Variants in AMZ1 observed in about 807,000 individuals in gnomAD.
AMZ1 encodes the protein archaemetzincin-1.
Under a neutral mutation model 29.9 loss-of-function variants are expected in AMZ1, and 39 were observed. The observed-to-expected ratio is 1.30, with a 90% confidence interval of 1.01 to 1.70. The LOEUF is 1.70. Ranked by LOEUF, AMZ1 falls within the 40% of genes most tolerant of loss-of-function variation. AMZ1 has a pLI of 0.00. For synonymous variants in AMZ1, 458 were observed against 304.0 expected, an observed-to-expected ratio of 1.51 and a Z score of -5.27; for missense variants, 1,041 against 680.6, an observed-to-expected ratio of 1.53 and a Z score of -5.89.
At chr7:2,743,164 G>A (rs1441213928) in intron 4 of AMZ1, among the ~76,000 whole-genome samples, 1 of 152,184 alleles carries the variant, frequency 6.6e-6, no homozygotes, top group Non-Finnish European at 1.5e-5. Flanking sequence ...CTAAGAGCCT[G>A]GCTGGCCCCT....
At chr7:2,762,610 C>T (rs1204616891), upstream of AMZ1, 2 of 1,536,234 alleles carry the variant, frequency 1.3e-6, no homozygotes, top group East Asian at 2.4e-5. Flanking sequence ...GGACAATCCC[C>T]TTCCGGATAA....
At position 2,709,784 on chromosome 7, in the gene AMZ1, G is replaced by T; in HGVS notation, c.916G>T (p.Val306Phe). ...CPICLRKLQH[V>F]LGFRLIERYQ... is the part of the protein sequence containing the mutation. ...CATCTGCCTGAGGAAGCTGCAGCAT[G>T]TCCTGGGTTTCAGGCTCATCGAGAG... The change falls in exon 6 of 7, where the codon GTC (valine) becomes TTC (phenylalanine). Residue 306 changes from valine (V) to phenylalanine (F), a missense_variant. Val to Phe is a conservative substitution (Grantham distance 50, BLOSUM62 -1). Coordinates refer to ENST00000683327, the MANE Select transcript of AMZ1 (RefSeq NM_001384743.1). The T allele has an allele frequency of 2.5e-6, 4 of 1,612,126 alleles. No individual in the cohort carries two copies. The highest frequency in any genetic ancestry group is 3.4e-6 in the Non-Finnish European group (4 of 1,179,854).
At chr7:2,705,676 TA>T (rs1446753564) in intron 3 of AMZ1, among the ~76,000 whole-genome samples, 2 of 152,208 alleles carry the variant, frequency 1.3e-5, no homozygotes, top group African/African-American at 2.4e-5. Flanking sequence ...TGGGGGTTGA[TA>T]GGGGTCCCCT....
upstream of AMZ1, chr7:2,762,948 C>A: frequency 1.5e-6 from 2 of 1,375,686 alleles, no homozygotes; most frequent in Non-Finnish European, 1.9e-6. Flanking sequence ...TCCCGTGGGG[C>A]CCGTGCCAGG....
At chr7:2,682,661 G>A (rs939969631) in intron 1 of AMZ1, among the ~76,000 whole-genome samples, 4 of 152,080 alleles carry the variant, frequency 2.6e-5, no homozygotes, top group African/African-American at 4.8e-5. Context: ...CCTCAGTGTC[G>A]GGCCATGGAA....
At chr7:2,737,377 C>G (rs1356701129) in intron 4 of AMZ1, among the ~76,000 whole-genome samples, 2 of 145,494 alleles carry the variant, frequency 1.4e-5, no homozygotes, top group African/African-American at 5.1e-5. Flanking sequence ...CAACCTCTGC[C>G]TCCTGGGTTC....
chr7:2,736,555 G>A (rs1488131780), intron 4 of AMZ1, among the ~76,000 whole-genome samples: 1 of 152,206 alleles, frequency 6.6e-6, no homozygotes, highest in South Asian at 2.1e-4. Context: ...TCAAGCAGCA[G>A]CAGCAGGTTG....
At position 2,712,764 on chromosome 7, in the gene AMZ1, G is replaced by T; in HGVS notation, c.1383G>T (p.Val461=). 6.3e-7 allele frequency: 1 copy of T among 1,596,704 alleles called. No individual in the cohort carries two copies. Among genetic ancestry groups the T allele is most frequent in the South Asian group, 1.1e-5 (1 of 88,656 alleles). ...RQDPPSSRDS[V]GLRKVLGDKF... ...ACCCACCCAGCAGCAGGGACAGCGT[G>T]GGGCTGCGCAAGGTGCTGGGGGACA... The change falls in exon 7 of 7, where the codon GTG becomes GTT. Residue 461 remains valine, a synonymous_variant. Coordinates refer to ENST00000683327, the MANE Select transcript of AMZ1 (RefSeq NM_001384743.1).
At chr7:2,698,144 C>T in intron 1 of AMZ1, among the ~76,000 whole-genome samples, 1 of 152,112 alleles carries the variant, frequency 6.6e-6, no homozygotes, top group East Asian at 1.9e-4. Flanking sequence ...CCCATGTTGC[C>T]ACTACTCAGG....
intron 3 of AMZ1, among the ~76,000 whole-genome samples, chr7:2,707,387 C>T (rs1045486026): frequency 1.3e-5 from 2 of 152,024 alleles, no homozygotes; most frequent in South Asian, 2.1e-4. Flanking sequence ...CTCTGTGCCG[C>T]AACCCCTCTT....
chr7:2,748,645 C>A (rs1413231117), intron 4 of AMZ1, among the ~76,000 whole-genome samples: 1 of 152,028 alleles, frequency 6.6e-6, no homozygotes, highest in Non-Finnish European at 1.5e-5. Context: ...GCAACAAAAG[C>A]CAAAATTGAC....
At chr7:2,720,603 C>T (rs905827075), downstream of AMZ1, among the ~76,000 whole-genome samples, 2 of 151,860 alleles carry the variant, frequency 1.3e-5, no homozygotes, top group Admixed American at 6.6e-5. Context: ...CGGGGTTTTA[C>T]CGTGCTGGCC....
chr7:2,707,751 G>C (rs935757157), intron 3 of AMZ1, among the ~76,000 whole-genome samples: 2 of 150,690 alleles, frequency 1.3e-5, no homozygotes, highest in African/African-American at 2.4e-5. Flanking sequence ...TCCTTCCTCC[G>C]AGCCAGCCCT....
intron 5 of AMZ1, 75 bp from the exon 6 acceptor site, chr7:2,709,565 G>A: frequency 1.3e-6 from 2 of 1,547,762 alleles, no homozygotes; most frequent in Non-Finnish European, 1.7e-6. Context: ...TTTTGGTCCT[G>A]CTGGGGCTGC....
intron 4 of AMZ1, among the ~76,000 whole-genome samples, chr7:2,736,312 C>T (rs1008021215): frequency 3.3e-5 from 5 of 152,072 alleles, no homozygotes; most frequent in African/African-American, 7.2e-5. Flanking sequence ...AGTGGGCTCT[C>T]GGGACTCTCC....
intron 4 of AMZ1, among the ~76,000 whole-genome samples, chr7:2,747,334 G>A (rs1354140363): frequency 1.3e-5 from 2 of 152,088 alleles, no homozygotes; most frequent in Non-Finnish European, 2.9e-5. Context: ...GATCAAGTTG[G>A]GCTTCATCCC....
chr7:2,694,289 C>T (rs113709292), intron 1 of AMZ1, among the ~76,000 whole-genome samples: 1,755 of 152,316 alleles, frequency 0.012, 25 homozygotes, highest in African/African-American at 0.041. Flanking sequence ...GACATGTCAT[C>T]CTCTCTTGCC....
At chr7:2,691,527 G>A (rs1206815890) in intron 1 of AMZ1, among the ~76,000 whole-genome samples, 1 of 148,520 alleles carries the variant, frequency 6.7e-6, no homozygotes, top group Non-Finnish European at 1.5e-5. Flanking sequence ...TGGATCACAA[G>A]GTCAGGAGTC....
intron 5 of AMZ1, 150 bp from the exon 6 acceptor site, chr7:2,709,490 C>A: frequency 3.1e-6 from 4 of 1,273,706 alleles, no homozygotes; most frequent in Non-Finnish European, 3.2e-6. Flanking sequence ...GTGGCCTGTG[C>A]CGCCTGGGGC....
Sources: allele counts gnomAD v4.1 joint callset (sites outside exome capture counted in the v4.1 genomes callset), GRCh38; gene constraint gnomAD v4.1.1; transcripts MANE v1.5; gene names NCBI Gene and HGNC (gene_info 2026-07-23, HGNC 2026-07-21).